NR3C2: variants seen among roughly 807,000 people sequenced by gnomAD.
NR3C2 encodes mineralocorticoid receptor.
NR3C2 carries 15 observed loss-of-function variants against 86.4 expected under a neutral mutation model. That is an observed-to-expected ratio of 0.17 (90% confidence interval 0.12 to 0.27). NR3C2 has a LOEUF of 0.27. NR3C2 is among the 10% of genes least tolerant of loss of function. The pLI is 1.00. For missense variants in NR3C2, 960 were observed against 1,195.6 expected (o/e 0.80, Z 2.91); for synonymous variants, 458 against 450.5 (o/e 1.02, Z -0.21).
At chr4:148,322,834 G>A (rs202087373) in intron 2 of NR3C2, among the ~76,000 whole-genome samples, 6,799 of 70,076 alleles carry the variant, frequency 0.097, 354 homozygotes, top group African/African-American at 0.17. Flanking sequence ...ATGTCCTCCC[G>A]TAGCTCAGAG....
intron 2 of NR3C2, among the ~76,000 whole-genome samples, chr4:148,351,801 G>A (rs1745292268): frequency 6.6e-6 from 1 of 152,116 alleles, no homozygotes; most frequent in Non-Finnish European, 1.5e-5. Context: ...TCATAAAAGG[G>A]TGATAAATGC....
In NR3C2 at chr4:148,279,248, T is replaced by C. The variant is rs573713807; in HGVS notation, c.1758-19131A>G. Among the ~76,000 whole-genome samples the C allele has an allele frequency of 6.0e-4, 91 of 152,308 alleles. 4 individuals are homozygous for C. In the South Asian group the frequency reaches 0.018, roughly 31 times the overall value. On this transcript the variant is annotated intron_variant, in intron 2 of 8. Coordinates refer to ENST00000358102, the MANE Select transcript of NR3C2 (RefSeq NM_000901.5). ...TGTCAAAGGGTGAAAAAAATCAAGA[T>C]TGATTTCTTGGCTTGTGAAATAGGT... is the stretch of plus-strand genomic sequence containing the variant.
At chr4:148,389,916 C>T (rs905829694) in intron 2 of NR3C2, among the ~76,000 whole-genome samples, 2 of 152,080 alleles carry the variant, frequency 1.3e-5, no homozygotes, top group Admixed American at 6.6e-5. Flanking sequence ...AAAAATCTGA[C>T]TGTAACACTA....
chr4:148,144,767 T>C (rs1464130671), intron 6 of NR3C2, among the ~76,000 whole-genome samples: 1 of 152,174 alleles, frequency 6.6e-6, no homozygotes, highest in Non-Finnish European at 1.5e-5. Context: ...AACACTACTT[T>C]TGTAGTATAA....
chr4:148,321,299 TA>T (rs1459830956), intron 2 of NR3C2, among the ~76,000 whole-genome samples: 1 of 148,254 alleles, frequency 6.7e-6, no homozygotes, highest in Non-Finnish European at 1.5e-5. Context: ...TACTTCCAAC[TA>T]TGTGGTCAAT....
chr4:148,296,307 A>C lies in NR3C2; in HGVS notation c.1758-36190T>G, dbSNP rs1053635276. On this transcript the variant is annotated intron_variant, in intron 2 of 8. Coordinates refer to ENST00000358102, the MANE Select transcript of NR3C2 (RefSeq NM_000901.5). ...GTACCACATTTCTGGGAATTGACCC[A>C]AAAAAAGCAGTAGTCACAATTATTC... Among the ~76,000 whole-genome samples the C allele has an allele frequency of 4.6e-5, 7 of 152,054 alleles. No homozygotes were observed. In the South Asian group the frequency reaches 6.2e-4, roughly 14 times the overall value.
At chr4:148,386,143 A>T (rs936051886) in intron 2 of NR3C2, among the ~76,000 whole-genome samples, 2 of 152,138 alleles carry the variant, frequency 1.3e-5, no homozygotes, top group African/African-American at 4.8e-5. Context: ...CCAGGAGAGG[A>T]GCTACTTTAA....
At chr4:148,383,953 A>G (rs61763858) in intron 2 of NR3C2, among the ~76,000 whole-genome samples, 900 of 31,360 alleles carry the variant, frequency 0.029, 8 homozygotes, top group African/African-American at 0.18. Flanking sequence ...GTCTCAGGGG[A>G]AAAAAAAAAA....
chr4:148,423,774 C>T (rs991701960), intron 2 of NR3C2, among the ~76,000 whole-genome samples: 1 of 152,220 alleles, frequency 6.6e-6, no homozygotes, highest in Non-Finnish European at 1.5e-5. Context: ...ACGATCTCAG[C>T]TCACTGCAAC....
At chr4:148,279,985 A>G (rs1363162764) in intron 2 of NR3C2, among the ~76,000 whole-genome samples, 2 of 152,202 alleles carry the variant, frequency 1.3e-5, no homozygotes, top group Non-Finnish European at 2.9e-5. Context: ...TCGGCCTCCC[A>G]AAGTACTGGG....
rs1323110187 is a variant in NR3C2, at chr4:148,390,614, G to T, written c.1757+44490C>A. Among the ~76,000 whole-genome samples the T allele has an allele frequency of 2.0e-5, 3 of 152,118 alleles. No homozygotes were observed. In the East Asian group the frequency reaches 5.8e-4, roughly 29 times the overall value. On this transcript the variant is annotated intron_variant, in intron 2 of 8. Transcript: ENST00000358102. ...CTATTCAAGTAGCTGCTGTTTACTT[G>T]GTGATGTGTGACCCCAGAATTCAGC...
intron 2 of NR3C2, among the ~76,000 whole-genome samples, chr4:148,374,384 G>C (rs1039603782): frequency 6.6e-6 from 1 of 152,118 alleles, no homozygotes; most frequent in African/African-American, 2.4e-5. Flanking sequence ...AGAAGGCCTA[G>C]TCCTACTCAT....
intron 3 of NR3C2, chr4:148,208,037 C>T (rs897462341): frequency 1.3e-5 from 2 of 152,188 alleles, no homozygotes; most frequent in Admixed American, 1.3e-4. Flanking sequence ...AGCATGAAAC[C>T]ACTGACAAAC....
chr4:148,131,016 T>C (rs1347363462), intron 6 of NR3C2, among the ~76,000 whole-genome samples: 1 of 152,046 alleles, frequency 6.6e-6, no homozygotes, highest in African/African-American at 2.4e-5. Flanking sequence ...GTATTTTTAG[T>C]AGAGACGGGG....
At chr4:148,110,473 G>A (rs1477333258) in intron 8 of NR3C2, among the ~76,000 whole-genome samples, 8 of 152,154 alleles carry the variant, frequency 5.3e-5, no homozygotes, top group Non-Finnish European at 8.8e-5. Context: ...TAGAGCCAGC[G>A]CATTGTGTAG....
At chr4:148,403,679 G>C (rs1456491922) in intron 2 of NR3C2, among the ~76,000 whole-genome samples, 1 of 152,048 alleles carries the variant, frequency 6.6e-6, no homozygotes, top group Non-Finnish European at 1.5e-5. Context: ...TTTGATCACA[G>C]TAATTTGCAA....
chr4:148,252,334 C>G (rs990059324), intron 3 of NR3C2, among the ~76,000 whole-genome samples: 1 of 152,124 alleles, frequency 6.6e-6, no homozygotes, highest in African/African-American at 2.4e-5. Context: ...TATTACCTTT[C>G]CAAACTCATG....
Position 148,086,172 on chromosome 4 carries a change from C to T in NR3C2, c.2800-4673G>A, listed in dbSNP as rs148407753. Among the ~76,000 whole-genome samples, 11 of 152,230 alleles carry T rather than the reference C, an allele frequency of 7.2e-5. No individual in the cohort carries two copies. The East Asian group carries it at 1.9e-3, about 27-fold the overall frequency. ...ATACCCAAACCTTGCAGAGACACAA[C>T]AAAAAATGAAAATTTCAGGCCAATT... On this transcript the variant is annotated intron_variant, in intron 8 of 8. Coordinates refer to ENST00000358102, the MANE Select transcript of NR3C2 (RefSeq NM_000901.5).
chr4:148,160,670 T>C (rs529877795), intron 4 of NR3C2, among the ~76,000 whole-genome samples: 2 of 152,320 alleles, frequency 1.3e-5, no homozygotes, highest in East Asian at 3.9e-4. Flanking sequence ...ATTTTAGGTC[T>C]TGGCAGTAAA....
Sources: gnomAD v4.1 joint callset for allele counts (sites outside exome capture counted in the v4.1 genomes callset) on GRCh38, gnomAD v4.1.1 for gene constraint, MANE v1.5 for transcripts, NCBI Gene and HGNC (gene_info 2026-07-23, HGNC 2026-07-21) for gene names.